The following TBC1D5 variants were observed in gnomAD, a reference collection of about 807,000 sequenced individuals.
TBC1D5 encodes the protein TBC1 domain family, member 5.
TBC1D5 carries 75 observed loss-of-function variants against 100.3 expected under a neutral mutation model. The observed-to-expected ratio is 0.75, with a 90% CI of 0.62 to 0.91. TBC1D5 has a LOEUF of 0.91. Ranked by LOEUF, TBC1D5 falls within the 40% of genes least tolerant of loss-of-function variation. The pLI is 0.00. For synonymous variants in TBC1D5, 323 were observed against 325.6 expected (o/e 0.99, Z 0.09); for missense variants, 910 against 942.4 (o/e 0.97, Z 0.45).
chr3:17,441,386 G>A lies in TBC1D5; in HGVS notation c.98-12867C>T, dbSNP rs143902976. Reference sequence around the variant, plus strand: ...CAGAATAATGTGACAGTGACTGTGGGAGGTTGCTCTTTGAAGATGAAGGTA... The same window carrying A: ...CAGAATAATGTGACAGTGACTGTGGAAGGTTGCTCTTTGAAGATGAAGGTA... On this transcript the variant is annotated intron_variant, in intron 3 of 21. Coordinates refer to ENST00000253692, the Ensembl canonical transcript of TBC1D5. Among the ~76,000 whole-genome samples the A allele has an allele frequency of 9.9e-3, 1,506 of 152,348 alleles. 28 individuals are homozygous for A. Among genetic ancestry groups the A allele is most frequent in the African/African-American group, 0.034 (1,410 of 41,582 alleles).
At chr3:17,519,961 T>C (rs909262797) in intron 2 of TBC1D5, among the ~76,000 whole-genome samples, 2 of 152,196 alleles carry the variant, frequency 1.3e-5, no homozygotes, top group African/African-American at 4.8e-5. Flanking sequence ...CAATAGGCAG[T>C]GAGCTTAATA....
At chr3:17,583,630 G>T (rs983474789) in intron 2 of TBC1D5, among the ~76,000 whole-genome samples, 1 of 152,168 alleles carries the variant, frequency 6.6e-6, no homozygotes, top group African/African-American at 2.4e-5. Flanking sequence ...AGGGGGCTGA[G>T]GCAAGAGAAT....
chr3:17,194,522 T>C (rs188046771), intron 18 of TBC1D5, among the ~76,000 whole-genome samples: 466 of 152,328 alleles, frequency 3.1e-3, no homozygotes, highest in African/African-American at 0.011. Context: ...AAGTGAAATA[T>C]GAATTAATTT....
intron 7 of TBC1D5, among the ~76,000 whole-genome samples, chr3:17,404,024 T>C (rs2093707841): frequency 6.6e-6 from 1 of 152,158 alleles, no homozygotes; most frequent in Non-Finnish European, 1.5e-5. Context: ...ATGTACATTT[T>C]AAAATGTGAA....
At chr3:17,257,103 A>C (rs2077777820) in intron 16 of TBC1D5, among the ~76,000 whole-genome samples, 1 of 144,922 alleles carries the variant, frequency 6.9e-6, no homozygotes, top group Non-Finnish European at 1.5e-5. Flanking sequence ...GCCTTTGGAG[A>C]TGTTTACATG....
intron 1 of TBC1D5, among the ~76,000 whole-genome samples, chr3:17,685,030 C>G (rs1050477664): frequency 1.3e-5 from 2 of 151,926 alleles, no homozygotes; most frequent in Non-Finnish European, 2.9e-5. Flanking sequence ...AAGGGTAATG[C>G]AGACTGAGGT....
In TBC1D5 at chr3:17,258,420, T is replaced by C. The variant is rs564276956; in HGVS notation, c.1331+86A>G. ...TGTACATATGCTAAAATCTGGAAAA[T>C]TGTTTTCAGCAATATGTAAAATTTC... On this transcript the variant is annotated intron_variant, in intron 16 of 21. Coordinates refer to ENST00000253692, the Ensembl canonical transcript of TBC1D5. The C allele has an allele frequency of 7.8e-5, 101 of 1,298,412 alleles. 1 individual carries two copies. In the South Asian group the frequency reaches 1.1e-3, roughly 14 times the overall value. 80.4% of individuals were successfully genotyped at this position (1,298,412 alleles called of 1,614,324 possible). A position where few individuals can be genotyped will look rare whatever the true frequency, so the allele number is the denominator to read the frequency against.
chr3:17,220,895 T>C (rs975791002), intron 17 of TBC1D5, among the ~76,000 whole-genome samples: 4 of 152,192 alleles, frequency 2.6e-5, no homozygotes, highest in Non-Finnish European at 4.4e-5. Context: ...TGAAAAAAAT[T>C]CCATCTTTTT....
intron 3 of TBC1D5, among the ~76,000 whole-genome samples, chr3:17,500,730 A>G (rs2095776914): frequency 6.7e-6 from 1 of 149,604 alleles, no homozygotes; most frequent in Admixed American, 6.6e-5. Flanking sequence ...TCCAGTAAGT[A>G]CTATTAAAAT....
At chr3:17,334,654 ATTG>A (rs2087405507) in intron 13 of TBC1D5, among the ~76,000 whole-genome samples, 1 of 152,110 alleles carries the variant, frequency 6.6e-6, no homozygotes, top group Admixed American at 6.6e-5. Context: ...ATATAATCTC[ATTG>A]TTAAGGGCAA....
At chr3:17,740,368 C>CT (rs2077323108) in exon 1 of TBC1D5, 1 of 151,414 alleles carries the variant, frequency 6.6e-6, no homozygotes. Flanking sequence ...CCGTAAAGCA[C>CT]TTACAACAGT....
chr3:17,389,807 C>A (rs1392286616), intron 8 of TBC1D5, among the ~76,000 whole-genome samples: 1 of 152,072 alleles, frequency 6.6e-6, no homozygotes, highest in African/African-American at 2.4e-5. Flanking sequence ...TCAGGAGGCA[C>A]CTAACATTAA....
chr3:17,265,771 C>T (rs1463926514), intron 15 of TBC1D5, among the ~76,000 whole-genome samples: 2 of 152,086 alleles, frequency 1.3e-5, no homozygotes, highest in East Asian at 1.9e-4. Flanking sequence ...CCATGGCACG[C>T]GTGAACTAGA....
intron 15 of TBC1D5, among the ~76,000 whole-genome samples, chr3:17,281,048 C>T (rs1363426530): frequency 6.6e-6 from 1 of 152,210 alleles, no homozygotes; most frequent in African/African-American, 2.4e-5. Context: ...TGGAGTTTGC[C>T]TCTGCCGGTG....
At chr3:17,654,946 G>A (rs376217156) in intron 1 of TBC1D5, among the ~76,000 whole-genome samples, 13 of 152,014 alleles carry the variant, frequency 8.6e-5, no homozygotes, top group Middle Eastern at 3.4e-3. Flanking sequence ...GTTTATTTGC[G>A]TAGAGGTGTT....
intron 1 of TBC1D5, among the ~76,000 whole-genome samples, chr3:17,686,781 G>GT (rs757076097): frequency 5.9e-5 from 9 of 152,164 alleles, no homozygotes; most frequent in Non-Finnish European, 1.2e-4. Flanking sequence ...TTGGCAATGC[G>GT]TGGAGGCATT....
At chr3:17,320,538 G>A (rs1473233079) in intron 13 of TBC1D5, among the ~76,000 whole-genome samples, 1 of 152,142 alleles carries the variant, frequency 6.6e-6, no homozygotes, top group Non-Finnish European at 1.5e-5. Flanking sequence ...GCTACAGGGA[G>A]GACTCCTTTC....
At chr3:17,715,786 A>G (rs2153950532) in intron 1 of TBC1D5, among the ~76,000 whole-genome samples, 1 of 152,034 alleles carries the variant, frequency 6.6e-6, no homozygotes, top group South Asian at 2.1e-4. Context: ...TGGAAGAGAG[A>G]GCAAGACTAT....
intron 2 of TBC1D5, among the ~76,000 whole-genome samples, chr3:17,529,395 G>GAC (rs1473997501): frequency 6.6e-6 from 1 of 152,032 alleles, no homozygotes; most frequent in Non-Finnish European, 1.5e-5. Context: ...GGTCTTGTTG[G>GAC]ACACTGCCCA....
Sources: gnomAD v4.1 joint callset for allele counts (sites outside exome capture counted in the v4.1 genomes callset) on GRCh38, gnomAD v4.1.1 for gene constraint, MANE v1.5 for transcripts, NCBI Gene and HGNC (gene_info 2026-07-23, HGNC 2026-07-21) for gene names.